The following EXOC4 variants were observed in gnomAD, a reference collection of about 807,000 sequenced individuals.
EXOC4 encodes SEC8-like 1.
A neutral mutation model predicts 107.2 loss-of-function variants in EXOC4; 71 were observed. That is an observed-to-expected ratio of 0.66 (90% CI 0.55 to 0.81). The LOEUF is 0.81. EXOC4 is among the 30% of genes least tolerant of loss of function. The pLI is 0.00. For missense variants in EXOC4, 1,108 were observed against 1,189.6 expected (o/e 0.93, Z 1.01); for synonymous variants, 456 against 441.2 (o/e 1.03, Z -0.42).
At chr7:133,611,244 CTT>C (rs1802070218) in intron 9 of EXOC4, among the ~76,000 whole-genome samples, 2 of 152,120 alleles carry the variant, frequency 1.3e-5, no homozygotes, top group African/African-American at 2.4e-5. Context: ...GGTTTTGTCA[CTT>C]TAGCGTGGTT....
Position 133,503,888 on chromosome 7 carries a change from G to C in EXOC4, c.1417+23750G>C, listed in dbSNP as rs74391949. Among the ~76,000 whole-genome samples the C allele has an allele frequency of 1.8e-3, 269 of 152,168 alleles. 1 individual carries two copies. The highest frequency in any genetic ancestry group is 0.016 in the South Asian group (78 of 4,820). ...GACACCCAGCAGTGTCTTCAGATTA[G>C]AGGGGTGGGGAGCAGGAAGAAGTTA... On this transcript the variant is annotated intron_variant, in intron 9 of 17. Coordinates refer to ENST00000253861, the MANE Select transcript of EXOC4 (RefSeq NM_021807.4).
intron 14 of EXOC4, among the ~76,000 whole-genome samples, chr7:133,942,880 G>A (rs1234411700): frequency 6.6e-6 from 1 of 151,950 alleles, no homozygotes; most frequent in Non-Finnish European, 1.5e-5. Context: ...CATCTTAGTT[G>A]CAATAAAACA....
intron 11 of EXOC4, among the ~76,000 whole-genome samples, chr7:133,874,571 T>TC (rs930361034): frequency 6.6e-5 from 10 of 152,076 alleles, no homozygotes; most frequent in African/African-American, 2.4e-4. Context: ...CCTGCCATTC[T>TC]CCCCCTTAGA....
intron 7 of EXOC4, among the ~76,000 whole-genome samples, chr7:133,380,072 C>T (rs1796579463): frequency 6.6e-6 from 1 of 151,262 alleles, no homozygotes; most frequent in African/African-American, 2.4e-5. Flanking sequence ...GGGAACATCA[C>T]ACACCAGAGC....
intron 10 of EXOC4, among the ~76,000 whole-genome samples, chr7:133,702,755 C>G (rs536950521): frequency 2.0e-5 from 3 of 152,224 alleles, no homozygotes; most frequent in African/African-American, 7.2e-5. Flanking sequence ...TCATCCGTGG[C>G]TCCATAACAA....
intron 7 of EXOC4, among the ~76,000 whole-genome samples, chr7:133,432,227 A>AG (rs1797871933): frequency 6.6e-6 from 1 of 152,138 alleles, no homozygotes. Context: ...GGAAAAAAAA[A>AG]CAAAACAGGC....
At chr7:133,894,418 C>A (rs559139633) in intron 11 of EXOC4, among the ~76,000 whole-genome samples, 2 of 143,944 alleles carry the variant, frequency 1.4e-5, no homozygotes, top group Non-Finnish European at 3.0e-5. Context: ...TGAAGCCTTC[C>A]TCTCTCAGCT....
chr7:133,840,592 C>T (rs973258791), intron 11 of EXOC4, among the ~76,000 whole-genome samples: 8 of 152,048 alleles, frequency 5.3e-5, no homozygotes, highest in Non-Finnish European at 7.4e-5. Context: ...GCACGATTCT[C>T]CTGCCTCAGC....
chr7:133,691,843 A>G lies in EXOC4; in HGVS notation c.1514+61702A>G, dbSNP rs946465007. Among the ~76,000 whole-genome samples, 14 of 152,288 alleles carry G rather than the reference A, an allele frequency of 9.2e-5. No homozygotes were observed. In the East Asian group the frequency reaches 1.9e-3, roughly 21 times the overall value. ...GAGCTTAGCACATTTCAGAAATTGAAAAGCAGCCAGTGTGCTTAAAATAAG... is the reference window on the plus strand; with the variant it reads ...GAGCTTAGCACATTTCAGAAATTGAGAAGCAGCCAGTGTGCTTAAAATAAG... On this transcript the variant is annotated intron_variant, in intron 10 of 17. Transcript: ENST00000253861.
chr7:133,306,143 T>G (rs1794749874), intron 4 of EXOC4, 82 bp downstream of exon 4: 1 of 1,204,340 alleles, frequency 8.3e-7, no homozygotes, highest in Non-Finnish European at 1.1e-6. Flanking sequence ...AATGTTGTTG[T>G]AATTTATTTT....
intron 14 of EXOC4, among the ~76,000 whole-genome samples, chr7:133,952,940 A>G (rs78589921): frequency 0.059 from 8,923 of 152,268 alleles, 382 homozygotes; most frequent in Non-Finnish European, 0.085. Flanking sequence ...TATTGTGAGT[A>G]ATGCTGCTGT....
At chr7:133,970,949 C>A (rs1055739330) in intron 14 of EXOC4, among the ~76,000 whole-genome samples, 3 of 152,064 alleles carry the variant, frequency 2.0e-5, no homozygotes, top group Admixed American at 2.0e-4. Context: ...AAATGATTCC[C>A]AAATTGCTTC....
At chr7:133,342,918 C>G (rs1795698637) in intron 5 of EXOC4, among the ~76,000 whole-genome samples, 1 of 152,076 alleles carries the variant, frequency 6.6e-6, no homozygotes, top group Non-Finnish European at 1.5e-5. Flanking sequence ...CAAGATTTTT[C>G]CATCCATAGC....
chr7:133,358,013 C>T (rs1206609171), intron 6 of EXOC4, among the ~76,000 whole-genome samples: 1 of 152,066 alleles, frequency 6.6e-6, no homozygotes, highest in Non-Finnish European at 1.5e-5. Context: ...CATAGTGAAA[C>T]GCCAACTCTA....
chr7:133,482,131 A>G (rs1404030484), intron 9 of EXOC4, among the ~76,000 whole-genome samples: 3 of 152,170 alleles, frequency 2.0e-5, no homozygotes, highest in Non-Finnish European at 2.9e-5. Context: ...GATGGTGACA[A>G]AGCATCTCCT....
intron 9 of EXOC4, among the ~76,000 whole-genome samples, chr7:133,592,577 G>C (rs924155658): frequency 5.3e-5 from 8 of 152,106 alleles, no homozygotes; most frequent in Non-Finnish European, 2.9e-5. Flanking sequence ...TGAGTAGCAG[G>C]AATTACAGGC....
chr7:133,782,592 A>G (rs1796490204), intron 10 of EXOC4, among the ~76,000 whole-genome samples: 3 of 152,222 alleles, frequency 2.0e-5, no homozygotes, highest in South Asian at 4.1e-4. Flanking sequence ...TGAACCCGAC[A>G]TGGGAGCCTT....
At chr7:134,019,415 G>GTGATGATGATGATGATGATGA (rs149056095) in intron 17 of EXOC4, among the ~76,000 whole-genome samples, 66 of 148,758 alleles carry the variant, frequency 4.4e-4, no homozygotes, top group East Asian at 1.6e-3. Context: ...CTTTCTCTCA[G>GTGATGATGATGATGATGATGA]TGATGATGAT....
intron 11 of EXOC4, among the ~76,000 whole-genome samples, chr7:133,865,810 A>T (rs1362522759): frequency 6.6e-6 from 1 of 152,176 alleles, no homozygotes; most frequent in Non-Finnish European, 1.5e-5. Flanking sequence ...TCAAGGGGGA[A>T]ATCCACCTGC....
Sources: gnomAD v4.1 joint callset for allele counts (sites outside exome capture counted in the v4.1 genomes callset) on GRCh38, gnomAD v4.1.1 for gene constraint, MANE v1.5 for transcripts, NCBI Gene and HGNC (gene_info 2026-07-23, HGNC 2026-07-21) for gene names.